GLI3: variants seen among roughly 807,000 people sequenced by gnomAD.
GLI3 encodes GLI family zinc finger 3.
Under a neutral mutation model 100.8 loss-of-function variants are expected in GLI3, and 20 were observed. The ratio of observed to expected loss-of-function variants is 0.20; its 90% CI spans 0.14 to 0.29. The LOEUF is 0.29. Ranked by LOEUF, GLI3 falls within the 10% of genes least tolerant of loss-of-function variation. The probability of loss-of-function intolerance (pLI) is 1.00; values close to 1 mark genes in which losing one functional copy is unlikely to be tolerated. For synonymous variants in GLI3, 938 were observed against 860.5 expected, an observed-to-expected ratio of 1.09 and a Z score of -1.58; for missense variants, 2,040 against 2,128.5, an observed-to-expected ratio of 0.96 and a Z score of 0.82.
chr7:42,011,042 C>T (rs1319565038), intron 10 of GLI3, among the ~76,000 whole-genome samples: 1 of 152,224 alleles, frequency 6.6e-6, no homozygotes, highest in Non-Finnish European at 1.5e-5. Flanking sequence ...GGTCAATCTA[C>T]CAGTCTATTT....
chr7:42,201,796 C>T (rs78814872), intron 2 of GLI3, among the ~76,000 whole-genome samples: 3,047 of 152,040 alleles, frequency 0.02, 114 homozygotes, highest in African/African-American at 0.07. Flanking sequence ...GTAAAAGTAC[C>T]GTATTGGCCG....
At chr7:42,043,648 C>G (rs1316137212) in intron 6 of GLI3, among the ~76,000 whole-genome samples, 1 of 152,166 alleles carries the variant, frequency 6.6e-6, no homozygotes, top group African/African-American at 2.4e-5. Flanking sequence ...TAAATTCCTA[C>G]TTAATGACAA....
chr7:42,157,783 T>C (rs950179673), intron 2 of GLI3, among the ~76,000 whole-genome samples: 10 of 152,206 alleles, frequency 6.6e-5, no homozygotes, highest in African/African-American at 2.4e-4. Context: ...TACATACAAA[T>C]TGAAAAATTA....
chr7:42,257,340 G>A (rs1053388751), intron 1 of GLI3, among the ~76,000 whole-genome samples: 4 of 150,908 alleles, frequency 2.7e-5, no homozygotes, highest in African/African-American at 9.7e-5. Flanking sequence ...GATATTAGGT[G>A]GAAATCATTC....
In GLI3 at chr7:42,023,590, T is replaced by C. The variant is rs760534428; in HGVS notation, c.1375A>G (p.Thr459Ala). The change falls in exon 10 of 15, where the codon ACC becomes GCC. Residue 459 changes from threonine to alanine, a missense_variant. Physicochemically the swap from Thr to Ala is moderately conservative, Grantham distance 58. Transcript: ENST00000395925. Reference sequence around the variant, plus strand: ...TTGTCCCCTTCCTCCTTGACAAGGGTTGTTCCTTCGGGCTGTTCCTGAAAG... The same window carrying C: ...TTGTCCCCTTCCTCCTTGACAAGGGCTGTTCCTTCGGGCTGTTCCTGAAAG... Reference protein sequence around the residue: ...RGQQEQPEGTTLVKEEGDKDE... With the variant: ...RGQQEQPEGTALVKEEGDKDE... 1.1e-5 allele frequency: 18 copies of C among 1,613,102 alleles called. No individual in the cohort carries two copies. The African/African-American group carries it at 2.4e-4, about 22-fold the overall frequency.
Position 42,223,308 on chromosome 7 carries a change from A to C in GLI3, c.-42-13T>G. The C allele has an allele frequency of 6.5e-7, 1 of 1,545,176 alleles. No homozygotes were observed. Among genetic ancestry groups the C allele is most frequent in the Non-Finnish European group, 8.9e-7 (1 of 1,121,426 alleles). ...GACCAAAAATGCCCTAAAGAAAACAACAGAGCCATCAACTTTCCAAAATGG... is the reference window on the plus strand; with the variant it reads ...GACCAAAAATGCCCTAAAGAAAACACCAGAGCCATCAACTTTCCAAAATGG... On this transcript the variant is annotated splice_polypyrimidine_tract_variant and intron_variant, in intron 1 of 14. Coordinates refer to ENST00000395925, the MANE Select transcript of GLI3 (RefSeq NM_000168.6).
intron 10 of GLI3, among the ~76,000 whole-genome samples, chr7:41,984,730 T>A (rs896184204): frequency 4.6e-5 from 7 of 152,382 alleles, no homozygotes; most frequent in African/African-American, 1.7e-4. Context: ...CCCTCACCAG[T>A]TTCCAGACAG....
chr7:42,167,452 A>C (rs1242442726), intron 2 of GLI3, among the ~76,000 whole-genome samples: 1 of 152,228 alleles, frequency 6.6e-6, no homozygotes, highest in Admixed American at 6.5e-5. Context: ...TAAAATTGGA[A>C]ACACACCAGC....
In GLI3 at chr7:41,965,388, A is replaced by C; in HGVS notation, c.3685T>G (p.Leu1229Val). The change falls in exon 15 of 15, where the codon TTG (leucine) becomes GTG (valine). Residue 1229 changes from leucine to valine, a missense_variant. This residue lies in a region of GLI3 where 1,041 missense variants were observed against 924.0 expected (regional missense o/e 1.13). Transcript: ENST00000395925. ...NSNPYGGPEH[L>V]MLHNSPGSGT... ...CTTCCGGGGCTGTTGTGGAGCATCA[A>C]GTGCTCTGGGCCACCGTAGGGGTTG... The C allele has an allele frequency of 6.2e-7, 1 of 1,612,240 alleles. No homozygotes were observed. Among genetic ancestry groups the C allele is most frequent in the African/African-American group, 1.3e-5 (1 of 75,010 alleles).
chr7:42,114,693 T>TTTTG (rs571303286), intron 3 of GLI3, among the ~76,000 whole-genome samples: 47 of 151,948 alleles, frequency 3.1e-4, no homozygotes, highest in African/African-American at 8.9e-4. Context: ...GGGGAGAGTT[T>TTTTG]TTTGTTTGTT....
At chr7:42,119,035 G>A (rs1562740366) in intron 3 of GLI3, among the ~76,000 whole-genome samples, 1 of 152,208 alleles carries the variant, frequency 6.6e-6, no homozygotes, top group Non-Finnish European at 1.5e-5. Flanking sequence ...AGGGCTGTAG[G>A]AGGCAGGCAG....
chr7:42,055,073 A>ATATG (rs1195024408), intron 4 of GLI3, among the ~76,000 whole-genome samples: 2 of 137,466 alleles, frequency 1.5e-5, no homozygotes, highest in Admixed American at 1.4e-4. Context: ...ATGTATACAT[A>ATATG]TATATGTATA....
intron 2 of GLI3, among the ~76,000 whole-genome samples, chr7:42,212,448 A>C (rs1007963560): frequency 3.9e-5 from 6 of 152,234 alleles, no homozygotes; most frequent in African/African-American, 1.4e-4. Context: ...CAAATTCCAA[A>C]ATATTTAACC....
intron 10 of GLI3, among the ~76,000 whole-genome samples, chr7:41,994,661 G>T (rs1028175486): frequency 6.6e-5 from 10 of 152,068 alleles, no homozygotes; most frequent in Admixed American, 6.5e-4. Flanking sequence ...CTGCAATTTT[G>T]TTTTCTTGCT....
intron 1 of GLI3, among the ~76,000 whole-genome samples, chr7:42,262,225 T>TTCCTTCCTTCCTTCCTTCCTGCCTTCC (rs1789151410): frequency 1.7e-5 from 2 of 118,786 alleles, no homozygotes; most frequent in African/African-American, 6.7e-5. Flanking sequence ...TCCTTCCTTC[T>TTCCTTCCTTCCTTCCTTCCTGCCTTCC]TTCCTTCCTT....
At chr7:42,199,011 A>G (rs1787986026) in intron 2 of GLI3, among the ~76,000 whole-genome samples, 1 of 151,972 alleles carries the variant, frequency 6.6e-6, no homozygotes, top group Admixed American at 6.6e-5. Context: ...TTTCCCCAAA[A>G]TTTATTATGA....
rs377157469 is a variant in GLI3 at position 42,026,144 on chromosome 7, T to C, written c.1242+55A>G. On this transcript the variant is annotated intron_variant, in intron 8 of 14. Transcript: ENST00000395925. ...TTGATTAACAGCTGACGTGGTGGCC[T>C]GCCCCCACCCTCGGCTGACCAGCAC... 39 of 1,234,970 alleles carry C rather than the reference T, an allele frequency of 3.2e-5. No homozygotes were observed. The East Asian group carries it at 6.6e-4, about 21-fold the overall frequency. 76.5% of individuals were successfully genotyped at this position (1,234,970 alleles called of 1,614,324 possible).
chr7:41,971,552 T>G (rs1438612842), intron 13 of GLI3, among the ~76,000 whole-genome samples: 1 of 152,162 alleles, frequency 6.6e-6, no homozygotes. Flanking sequence ...AGAGCCCACA[T>G]GTCCTATTAG....
At chr7:42,172,762 G>T in intron 2 of GLI3, 2 of 623,280 alleles carry the variant, frequency 3.2e-6, no homozygotes, top group South Asian at 1.9e-5. Flanking sequence ...TTCATTACTT[G>T]GCTATTATCA....
Sources: allele counts gnomAD v4.1 joint callset (sites outside exome capture counted in the v4.1 genomes callset), GRCh38; gene constraint gnomAD v4.1.1; regional missense constraint gnomAD v4.1.1; transcripts MANE v1.5; gene names NCBI Gene and HGNC (gene_info 2026-07-23, HGNC 2026-07-21).